RALGAPA2: variants seen among roughly 807,000 people sequenced by gnomAD.
RALGAPA2 encodes ral GTPase-activating protein subunit alpha-2.
In RALGAPA2, 139 loss-of-function variants were observed where a neutral mutation model predicts 230.4. The ratio of observed to expected loss-of-function variants is 0.60; its 90% CI spans 0.53 to 0.69. RALGAPA2 has a LOEUF of 0.69. Among genes scored for constraint, RALGAPA2 ranks in the 30% least tolerant of loss-of-function variants. RALGAPA2 has a pLI of 0.00. For synonymous variants in RALGAPA2, 847 were observed against 837.8 expected (o/e 1.01, Z -0.19); for missense variants, 2,163 against 2,276.0 (o/e 0.95, Z 1.01).
At chr20:20,461,025 G>T (rs2061289521) in intron 37 of RALGAPA2, among the ~76,000 whole-genome samples, 1 of 152,200 alleles carries the variant, frequency 6.6e-6, no homozygotes, top group African/African-American at 2.4e-5. Context: ...TGGTTTATGT[G>T]AAGTGCTTTC....
rs1250451643 is a variant in RALGAPA2 at position 20,583,139 on chromosome 20, G to A, written c.2618C>T (p.Pro873Leu). ...AACATCTGTGGGAGTATTCAGTTCT[G>A]GGTCTTCCTCACAGGTCTGCCATGG... ...MGPWQTCEED[P>L]ELNTPTDVVA... The change falls in exon 20 of 40, where the codon CCA (proline) becomes CTA (leucine). Residue 873 changes from proline to leucine, a missense_variant. Pro to Leu is a moderately conservative substitution (Grantham distance 98, BLOSUM62 -3). Transcript: ENST00000202677. 2 of 1,613,674 alleles carry A rather than the reference G, an allele frequency of 1.2e-6. No individual in the cohort carries two copies. Among genetic ancestry groups the A allele is most frequent in the African/African-American group, 2.7e-5 (2 of 75,004 alleles).
chr20:20,667,953 C>A (rs1205713356), intron 3 of RALGAPA2, among the ~76,000 whole-genome samples: 1 of 152,092 alleles, frequency 6.6e-6, no homozygotes, highest in Non-Finnish European at 1.5e-5. Flanking sequence ...TGCTCATTCC[C>A]CTCAGCCAAG....
chr20:20,598,462 T>C (rs927131715), intron 16 of RALGAPA2, among the ~76,000 whole-genome samples: 10 of 152,216 alleles, frequency 6.6e-5, no homozygotes, highest in African/African-American at 2.4e-4. Context: ...TAATTGTTAT[T>C]GCCAAGACCA....
At chr20:20,401,555 A>AT (rs199562719) in intron 38 of RALGAPA2, among the ~76,000 whole-genome samples, 2,021 of 152,252 alleles carry the variant, frequency 0.013, 40 homozygotes, top group African/African-American at 0.046. Flanking sequence ...GTGAGGTGGG[A>AT]TTACTGTGTG....
At chr20:20,533,697 G>A (rs945742998) in intron 26 of RALGAPA2, among the ~76,000 whole-genome samples, 2 of 152,030 alleles carry the variant, frequency 1.3e-5, no homozygotes, top group African/African-American at 4.8e-5. Context: ...ATTTTTTTCA[G>A]GTTTATATGG....
intron 3 of RALGAPA2, among the ~76,000 whole-genome samples, chr20:20,658,147 A>T (rs541295572): frequency 6.6e-6 from 1 of 152,328 alleles, no homozygotes; most frequent in African/African-American, 2.4e-5. Context: ...CTTTAAAAAC[A>T]CTCAAAAAGG....
chr20:20,615,883 T>C (rs1478892285), intron 13 of RALGAPA2, among the ~76,000 whole-genome samples, 160 bp downstream of exon 13: 2 of 152,238 alleles, frequency 1.3e-5, no homozygotes, highest in Admixed American at 6.5e-5. Context: ...GTCAAAGTAC[T>C]GGGTAACTAC....
intron 3 of RALGAPA2, among the ~76,000 whole-genome samples, chr20:20,662,088 A>G (rs2146680045): frequency 6.6e-6 from 1 of 152,338 alleles, no homozygotes; most frequent in Non-Finnish European, 1.5e-5. Flanking sequence ...ACTTGAATGT[A>G]GTTATAGCAA....
chr20:20,546,927 A>C, intron 23 of RALGAPA2, 95 bp from the exon 24 acceptor site: 1 of 1,258,274 alleles, frequency 7.9e-7, no homozygotes, highest in Non-Finnish European at 1.0e-6. Flanking sequence ...CTGTATAATA[A>C]TCCAAGAGAG....
chr20:20,396,855 C>G (rs2059730806), intron 38 of RALGAPA2, 121 bp from the exon 39 acceptor site: 1 of 804,366 alleles, frequency 1.2e-6, no homozygotes, highest in South Asian at 1.7e-5. Flanking sequence ...ATTTCTGCAG[C>G]CTTGTCAATC....
intron 31 of RALGAPA2, among the ~76,000 whole-genome samples, chr20:20,520,189 G>A (rs1002117655): frequency 6.6e-6 from 1 of 152,124 alleles, no homozygotes; most frequent in African/African-American, 2.4e-5. Flanking sequence ...AGTTGACATT[G>A]ATAATAATCC....
At chr20:20,575,581 C>T (rs990100263) in intron 20 of RALGAPA2, among the ~76,000 whole-genome samples, 1 of 152,112 alleles carries the variant, frequency 6.6e-6, no homozygotes, top group African/African-American at 2.4e-5. Context: ...AAAGCAGTGG[C>T]CAGTGGCAAC....
At chr20:20,429,722 G>A (rs112326089) in intron 37 of RALGAPA2, among the ~76,000 whole-genome samples, 8 of 152,334 alleles carry the variant, frequency 5.3e-5, no homozygotes, top group African/African-American at 1.2e-4. Flanking sequence ...TTCTGAAGTC[G>A]TGACATGCTT....
intron 37 of RALGAPA2, among the ~76,000 whole-genome samples, chr20:20,441,340 G>C (rs1287981063): frequency 6.6e-6 from 1 of 152,206 alleles, no homozygotes; most frequent in Non-Finnish European, 1.5e-5. Context: ...TGTAAGTTAG[G>C]GAACTGCTGC....
At chr20:20,395,784 A>T (rs941355388) in intron 39 of RALGAPA2, among the ~76,000 whole-genome samples, 1 of 152,162 alleles carries the variant, frequency 6.6e-6, no homozygotes, top group Non-Finnish European at 1.5e-5. Flanking sequence ...AGGAGGGTGA[A>T]GGTTTGGATA....
intron 3 of RALGAPA2, among the ~76,000 whole-genome samples, chr20:20,660,229 G>GAA (rs1169773178): frequency 1.6e-5 from 2 of 123,036 alleles, no homozygotes; most frequent in Admixed American, 8.5e-5. Context: ...CTCTGTCTTG[G>GAA]AAAAAAAAAA....
intron 3 of RALGAPA2, among the ~76,000 whole-genome samples, chr20:20,664,602 A>G (rs1303579652): frequency 3.3e-5 from 5 of 152,180 alleles, no homozygotes; most frequent in Non-Finnish European, 7.4e-5. Flanking sequence ...CATTTCATGC[A>G]AGTTTCTATT....
intron 37 of RALGAPA2, among the ~76,000 whole-genome samples, chr20:20,464,301 C>A (rs73287269): frequency 0.014 from 2,058 of 152,310 alleles, 42 homozygotes; most frequent in African/African-American, 0.047. Context: ...CGCCCGCTCC[C>A]AGTCTCAGAG....
intron 31 of RALGAPA2, among the ~76,000 whole-genome samples, chr20:20,514,420 T>G (rs188131259): frequency 5.2e-3 from 791 of 152,104 alleles, no homozygotes; most frequent in Non-Finnish European, 8.0e-3. Flanking sequence ...CTTGCCTAGT[T>G]CAGCAGCCTG....
Sources: gnomAD v4.1 joint callset for allele counts (sites outside exome capture counted in the v4.1 genomes callset) on GRCh38, gnomAD v4.1.1 for gene constraint, MANE v1.5 for transcripts, NCBI Gene and HGNC (gene_info 2026-07-23, HGNC 2026-07-21) for gene names.